Variants in EREG observed in about 807,000 individuals in gnomAD.
EREG encodes the protein proepiregulin.
EREG carries 23 observed loss-of-function variants against 22.4 expected under a neutral mutation model. That is an observed-to-expected ratio of 1.03 (90% CI 0.74 to 1.46). EREG has a LOEUF of 1.46. Among genes scored for constraint, EREG ranks in the 40% most tolerant of loss-of-function variants. The pLI, the probability that EREG is intolerant of heterozygous loss-of-function variation, is 0.00. For missense variants in EREG, 226 were observed against 205.9 expected, an observed-to-expected ratio of 1.10 and a Z score of -0.60; for synonymous variants, 100 against 75.4, an observed-to-expected ratio of 1.33 and a Z score of -1.69.
chr4:74,372,235 A>G (rs537884519), intron 1 of EREG, among the ~76,000 whole-genome samples: 68 of 152,224 alleles, frequency 4.5e-4, no homozygotes, highest in Non-Finnish European at 8.2e-4. Context: ...CTGAAAGTAG[A>G]ATTCCTTAGC....
chr4:74,372,812 T>C (rs2110384819), intron 1 of EREG, among the ~76,000 whole-genome samples: 1 of 137,176 alleles, frequency 7.3e-6, no homozygotes, highest in East Asian at 2.1e-4. Flanking sequence ...TTTTTTTTTT[T>C]TTTTTTTTTT....
chr4:74,372,162 G>A (rs10015759), intron 1 of EREG, among the ~76,000 whole-genome samples: 108,177 of 152,098 alleles, frequency 0.71, 39,272 homozygotes, highest in Non-Finnish European at 0.78. Flanking sequence ...AGGCATATGT[G>A]GCTCTCACTG....
intron 2 of EREG, among the ~76,000 whole-genome samples, chr4:74,380,707 G>T (rs942678402): frequency 1.3e-5 from 2 of 152,206 alleles, no homozygotes; most frequent in African/African-American, 4.8e-5. Context: ...CACCCACTTG[G>T]AGGATAATGA....
intron 1 of EREG, among the ~76,000 whole-genome samples, chr4:74,373,067 A>G (rs111702450): frequency 0.076 from 11,126 of 146,884 alleles, 719 homozygotes; most frequent in African/African-American, 0.18. Flanking sequence ...CACCAGCCTC[A>G]GCCTCCCAAA....
rs1262558421 is a variant in EREG, at chr4:74,386,807, T to G, written c.*1999T>G. 6.6e-6 allele frequency: 1 copy of G among 152,134 alleles called. No individual in the cohort carries two copies. The highest frequency in any genetic ancestry group is 2.4e-5 in the African/African-American group (1 of 41,426). The allele number at this position is 152,134 out of a possible 1,614,324, so 9.4% of individuals were successfully genotyped here. ...AACTATTTACTTTTTTTTTTTTCTTTTTGAGATGGAGTCTCGCTCTGTTGC... is the reference window on the plus strand; with the variant it reads ...AACTATTTACTTTTTTTTTTTTCTTGTTGAGATGGAGTCTCGCTCTGTTGC... On this transcript the variant is annotated 3_prime_UTR_variant, in exon 5 of 5. Coordinates refer to ENST00000244869, the MANE Select transcript of EREG (RefSeq NM_001432.3).
chr4:74,387,145 A>ATAT lies in EREG; in HGVS notation c.*2337_*2338insTAT, dbSNP rs1752581980. 6.6e-6 allele frequency: 1 copy of ATAT among 152,170 alleles called. No homozygotes were observed. Among genetic ancestry groups the ATAT allele is most frequent in the Non-Finnish European group, 1.5e-5 (1 of 68,026 alleles). The allele number at this position is 152,170 out of a possible 1,614,324, so 9.4% of individuals were successfully genotyped here. A position where few individuals can be genotyped will look rare whatever the true frequency, so the allele number is the denominator to read the frequency against. On this transcript the variant is annotated 3_prime_UTR_variant, in exon 5 of 5. Transcript: ENST00000244869. ...TGATTTAAGTATACAGGAGGATGTG[A>ATAT]ATAGGTTATATGCAAGCACTATGCC...
At chr4:74,373,624 G>GTA (rs1446142360) in intron 1 of EREG, among the ~76,000 whole-genome samples, 3 of 143,796 alleles carry the variant, frequency 2.1e-5, no homozygotes, top group East Asian at 2.0e-4. Flanking sequence ...ATATGTGAGT[G>GTA]TATATATATA....
chr4:74,367,736 G>T (rs1214441249), intron 1 of EREG, among the ~76,000 whole-genome samples: 1 of 152,144 alleles, frequency 6.6e-6, no homozygotes, highest in Non-Finnish European at 1.5e-5. Context: ...CACAACCTGA[G>T]ATGACAAATC....
chr4:74,375,566 T>A lies in EREG; in HGVS notation c.68-3882T>A, dbSNP rs370885661. 5.9e-5 allele frequency among the ~76,000 whole-genome samples: 9 copies of A among 151,746 alleles called. No individual in the cohort carries two copies. The East Asian group carries it at 1.2e-3, about 20-fold the overall frequency. On this transcript the variant is annotated intron_variant, in intron 1 of 4. Transcript: ENST00000244869. ...GGATGGTCTCGATATCCTGACCTCG[T>A]GATCCGCACGCCTCGGCCTCCCAAA...
Position 74,365,159 on chromosome 4 carries a change from T to A in EREG, c.-150T>A. The stretch of plus-strand genomic sequence containing the variant: ...CAGTTGAGCTCACTTGCCTGATATT[T>A]CCAGTGTCAGAGGGACACAGCCAAC... On this transcript the variant is annotated 5_prime_UTR_variant, in exon 1 of 5. Transcript: ENST00000244869. 1.6e-6 allele frequency: 1 copy of A among 637,508 alleles called. No individual in the cohort carries two copies. Among genetic ancestry groups the A allele is most frequent in the East Asian group, 2.7e-5 (1 of 36,428 alleles). 39.5% of individuals were successfully genotyped at this position (637,508 alleles called of 1,614,324 possible). A position where few individuals can be genotyped will look rare whatever the true frequency, so the allele number is the denominator to read the frequency against.
Position 74,384,994 on chromosome 4 carries a change from G to A in EREG, c.*186G>A, listed in dbSNP as rs1305670430. 4.5e-6 allele frequency: 2 copies of A among 442,786 alleles called. No homozygotes were observed. Among genetic ancestry groups the A allele is most frequent in the East Asian group, 6.8e-5 (2 of 29,482 alleles). 27.4% of individuals were successfully genotyped at this position (442,786 alleles called of 1,614,324 possible). On this transcript the variant is annotated 3_prime_UTR_variant, in exon 5 of 5. Coordinates refer to ENST00000244869, the MANE Select transcript of EREG (RefSeq NM_001432.3). ...ACTATTTGCTAATGTATAATGTGCAGAAAATATTTAATATCAAAAGAAAAT... is the reference window on the plus strand; with the variant it reads ...ACTATTTGCTAATGTATAATGTGCAAAAAATATTTAATATCAAAAGAAAAT...
rs137906252 is a variant in EREG at position 74,365,358 on chromosome 4, C to T, written c.50C>T (p.Ala17Val). The T allele has an allele frequency of 2.5e-6, 4 of 1,611,102 alleles. No homozygotes were observed. The highest frequency in any genetic ancestry group is 4.5e-5 in the East Asian group (2 of 44,866). ...ATGCTCTGTGCCGGCAGGGTCCCTGCGCTGCTGCTCTGCCTGGGTAAGTTC... is the reference window on the plus strand; with the variant it reads ...ATGCTCTGTGCCGGCAGGGTCCCTGTGCTGCTGCTCTGCCTGGGTAAGTTC... ...MEMLCAGRVP[A>V]LLLCLGFHLL... Residue 17 changes from alanine (A) to valine (V), a missense_variant, in exon 1 of 5, where the codon GCG becomes GTG. Ala to Val is a moderately conservative substitution (Grantham distance 64). Transcript: ENST00000244869.
At chr4:74,369,775 T>A (rs1440705602) in intron 1 of EREG, among the ~76,000 whole-genome samples, 1 of 152,050 alleles carries the variant, frequency 6.6e-6, no homozygotes, top group Non-Finnish European at 1.5e-5. Flanking sequence ...TTTTCTTTCA[T>A]ACTTTCAGAA....
chr4:74,367,312 A>G (rs1466247995), intron 1 of EREG, among the ~76,000 whole-genome samples: 1 of 152,240 alleles, frequency 6.6e-6, no homozygotes, highest in Non-Finnish European at 1.5e-5. Context: ...ACAAAGTGAG[A>G]GTCCACACTT....
rs993482002 is a variant in EREG, at chr4:74,383,053, G to C, written c.428+259G>C. ...TGTACCCCCGAATCTGAAATAACTT[G>C]AAATTATTTTTTAAAAATATGTTTT... On this transcript the variant is annotated intron_variant, in intron 4 of 4. Transcript: ENST00000244869. Among the ~76,000 whole-genome samples the C allele has an allele frequency of 2.0e-5, 3 of 152,262 alleles. No individual in the cohort carries two copies. In the East Asian group the frequency reaches 5.8e-4, roughly 29 times the overall value.
intron 2 of EREG, among the ~76,000 whole-genome samples, chr4:74,380,216 CTG>C (rs1218836565): frequency 1.3e-5 from 2 of 150,090 alleles, no homozygotes; most frequent in Non-Finnish European, 2.9e-5. Flanking sequence ...ATCAGGTTCT[CTG>C]GAGGTTTGGT....
Position 74,388,131 on chromosome 4 carries a change from T to C in EREG, c.*3323T>C, listed in dbSNP as rs1752602663. The C allele has an allele frequency of 6.6e-6, 1 of 152,208 alleles. No homozygotes were observed. Among genetic ancestry groups the C allele is most frequent in the South Asian group, 2.1e-4 (1 of 4,834 alleles). The allele number at this position is 152,208 out of a possible 1,614,324, so 9.4% of individuals were successfully genotyped here. ...CAAATCAACTTTTATGCAGCAAATA[T>C]ATGATTCTAGTGTCTGACTTTTGTT... On this transcript the variant is annotated 3_prime_UTR_variant, in exon 5 of 5. Transcript: ENST00000244869.
chr4:74,372,974 ATT>A (rs35483998), intron 1 of EREG, among the ~76,000 whole-genome samples: 1,991 of 63,266 alleles, frequency 0.031, 35 homozygotes, highest in African/African-American at 0.045. Context: ...CATCTGGCTA[ATT>A]TTTTTTTTTT....
chr4:74,388,247 G>T lies in EREG; in HGVS notation c.*3439G>T, dbSNP rs185343950. On this transcript the variant is annotated 3_prime_UTR_variant, in exon 5 of 5. Transcript: ENST00000244869. ...CATTCTGTAGACTTTTGAAAAAAAA[G>T]TTTTTAATTTGATGCCCAATATATT... The T allele has an allele frequency of 1.1e-4, 17 of 152,216 alleles. No individual in the cohort carries two copies. Among genetic ancestry groups the T allele is most frequent in the Admixed American group, 1.0e-3 (16 of 15,290 alleles). 9.4% of individuals were successfully genotyped at this position (152,216 alleles called of 1,614,324 possible).
Sources: allele counts gnomAD v4.1 joint callset (sites outside exome capture counted in the v4.1 genomes callset), GRCh38; gene constraint gnomAD v4.1.1; transcripts MANE v1.5; gene names NCBI Gene and HGNC (gene_info 2026-07-23, HGNC 2026-07-21).